UNC80: variants seen among roughly 807,000 people sequenced by gnomAD.
UNC80 encodes unc-80 subunit of NALCN channel complex.
A neutral mutation model predicts 384.6 loss-of-function variants in UNC80; 164 were observed. That is an observed-to-expected ratio of 0.43 (90% CI 0.38 to 0.49). UNC80 has a LOEUF of 0.49. UNC80 is among the 20% of genes least tolerant of loss of function. The probability of loss-of-function intolerance (pLI) is 0.00; values close to 1 mark genes in which losing one functional copy is unlikely to be tolerated. For synonymous variants in UNC80, 1,486 were observed against 1,527.8 expected (o/e 0.97, Z 0.64); for missense variants, 3,330 against 4,143.0 (o/e 0.80, Z 5.39).
intron 61 of UNC80, 105 bp downstream of exon 61, chr2:209,985,017 A>G: frequency 1.0e-6 from 1 of 995,558 alleles, no homozygotes; most frequent in Non-Finnish European, 1.5e-6. Flanking sequence ...GCCCCGTCTT[A>G]ATATCTATTT....
chr2:209,829,968 T>A (rs2080834214), intron 15 of UNC80, among the ~76,000 whole-genome samples: 1 of 152,230 alleles, frequency 6.6e-6, no homozygotes, highest in African/African-American at 2.4e-5. Context: ...TATGAAGGCC[T>A]AAGTTACAGG....
intron 22 of UNC80, among the ~76,000 whole-genome samples, chr2:209,861,726 A>G (rs549607446): frequency 6.6e-6 from 1 of 152,272 alleles, no homozygotes; most frequent in South Asian, 2.1e-4. Flanking sequence ...TTATCGTTCT[A>G]TACAGGGATT....
At chr2:209,958,395 G>C (rs2092481373) in intron 49 of UNC80, among the ~76,000 whole-genome samples, 1 of 152,180 alleles carries the variant, frequency 6.6e-6, no homozygotes. Flanking sequence ...GTATGGAATA[G>C]TTGGCCTGGA....
At chr2:209,950,860 AT>A (rs34495564) in intron 47 of UNC80, among the ~76,000 whole-genome samples, 19 of 148,194 alleles carry the variant, frequency 1.3e-4, no homozygotes, top group Non-Finnish European at 1.2e-4. Flanking sequence ...ACCCAGCTGG[AT>A]TTTTTTTTTT....
intron 7 of UNC80, among the ~76,000 whole-genome samples, chr2:209,804,022 C>T: frequency 6.6e-6 from 1 of 152,160 alleles, no homozygotes; most frequent in Non-Finnish European, 1.5e-5. Flanking sequence ...CAGGTGTGAG[C>T]TGCCATTCCC....
chr2:209,934,032 A>G, intron 39 of UNC80, 27 bp downstream of exon 39: 2 of 1,500,158 alleles, frequency 1.3e-6, no homozygotes, highest in Non-Finnish European at 1.8e-6. Context: ...TTTTAGTAAC[A>G]TAACTTTAAA....
chr2:209,880,424 A>G (rs1004947469), intron 24 of UNC80, among the ~76,000 whole-genome samples: 7 of 152,236 alleles, frequency 4.6e-5, no homozygotes, highest in Admixed American at 1.3e-4. Flanking sequence ...TGTTGCAGAA[A>G]CACATTTGGA....
chr2:209,839,269 G>A lies in UNC80; in HGVS notation c.3089G>A (p.Arg1030His), dbSNP rs994534779. The A allele has an allele frequency of 9.0e-6, 14 of 1,551,464 alleles. No individual in the cohort carries two copies. The highest frequency in any genetic ancestry group is 2.4e-5 in the South Asian group (2 of 84,060). The change falls in exon 19 of 65, where the codon CGT becomes CAT. Residue 1030 changes from arginine (R) to histidine (H), a missense_variant. Physicochemically the swap from Arg to His is conservative, Grantham distance 29. This residue lies in a region of UNC80 where 801 missense variants were observed against 950.8 expected (regional missense o/e 0.84). Coordinates refer to ENST00000673920, the MANE Select transcript of UNC80 (RefSeq NM_001371986.1). This position sits in a 1 kb window ranked among gnomAD's most constrained non-coding sequence, Gnocchi z 4.1. Reference protein sequence around the residue: ...GANLGRKDFWRKMFKSQSAAS... With the variant: ...GANLGRKDFWHKMFKSQSAAS... ...AACTTGGGGCGGAAAGATTTCTGGC[G>A]TAAGATGTTCAAGTCCCAGAGTGCA...
chr2:209,815,320 T>C lies in UNC80; in HGVS notation c.1264T>C (p.Ser422Pro), dbSNP rs2079652922. ...SLSSEAFSKV[S>P]LTNLRRSAVP... ...TAGCTCTGAGGCCTTTTCCAAGGTT[T>C]CACTGACCAATCTGCGTAGATCTGC... The change falls in exon 9 of 65, where the codon TCA becomes CCA. Residue 422 changes from serine (S) to proline (P), a missense_variant. Transcript: ENST00000673920. The C allele has an allele frequency of 6.4e-7, 1 of 1,551,630 alleles. No individual in the cohort carries two copies. Among genetic ancestry groups the C allele is most frequent in the African/African-American group, 1.4e-5 (1 of 73,056 alleles).
rs777396216 is a variant in UNC80 at position 209,789,534 on chromosome 2, A to C, written c.727A>C (p.Lys243Gln). The stretch of plus-strand genomic sequence containing the variant: ...TGGAACTTCTTCCGTCTTTTCAGCT[A>C]AGAGAAGTTCTCCTATCAACAGTCA... ...VKPIRNIITA[K>Q]RSSPINSQSR... Residue 243 changes from lysine (K) to glutamine (Q), a missense_variant and splice_region_variant, in exon 6 of 65, where the codon AAG becomes CAG. Lys to Gln is a moderately conservative substitution (Grantham distance 53). Around this residue, in one of 8 missense-constraint regions of UNC80, gnomAD observed 937 missense variants for 1,026.8 expected, o/e 0.91. Transcript: ENST00000673920. 6.2e-7 allele frequency: 1 copy of C among 1,611,264 alleles called. No homozygotes were observed. Among genetic ancestry groups the C allele is most frequent in the Non-Finnish European group, 8.5e-7 (1 of 1,178,026 alleles).
rs1381128260 is a variant in UNC80 at position 209,926,932 on chromosome 2, C to T, written c.5752C>T (p.Leu1918Phe). 6 of 1,552,086 alleles carry T rather than the reference C, an allele frequency of 3.9e-6. No individual in the cohort carries two copies. The African/African-American group carries it at 8.2e-5, about 21-fold the overall frequency. ...VFPACICAAVLPIVHLMEDGE... is the reference protein window; with the variant it reads ...VFPACICAAVFPIVHLMEDGE... Reference sequence around the variant, plus strand: ...CCCAGCATGCATCTGTGCAGCAGTACTTCCCATTGTTCATCTGATGGAGGA... The same window carrying T: ...CCCAGCATGCATCTGTGCAGCAGTATTTCCCATTGTTCATCTGATGGAGGA... Residue 1918 changes from leucine to phenylalanine, a missense_variant, in exon 36 of 65, where the codon CTT becomes TTT. Leu to Phe is a conservative substitution (Grantham distance 22, BLOSUM62 0). This residue lies in a region of UNC80 where 1,049 missense variants were observed against 1,488.6 expected (regional missense o/e 0.70). Coordinates refer to ENST00000673920, the MANE Select transcript of UNC80 (RefSeq NM_001371986.1).
At chr2:209,987,630 T>C (rs1294347539) in intron 61 of UNC80, among the ~76,000 whole-genome samples, 1 of 152,220 alleles carries the variant, frequency 6.6e-6, no homozygotes, top group African/African-American at 2.4e-5. Flanking sequence ...TGGTTGGACA[T>C]GTTAGAACAT....
chr2:209,843,645 T>C (rs1165551709), intron 21 of UNC80, among the ~76,000 whole-genome samples: 1 of 152,206 alleles, frequency 6.6e-6, no homozygotes, highest in Admixed American at 6.5e-5. Context: ...TCTTTTCTTC[T>C]TTGTACTATA....
At chr2:209,837,973 G>C (rs554665370) in intron 18 of UNC80, among the ~76,000 whole-genome samples, 7 of 151,986 alleles carry the variant, frequency 4.6e-5, no homozygotes, top group Non-Finnish European at 7.4e-5. Context: ...GGGTTTCGCC[G>C]TGTTAGCCAG....
intron 29 of UNC80, among the ~76,000 whole-genome samples, chr2:209,911,691 CT>C (rs1248045032): frequency 6.6e-6 from 1 of 152,116 alleles, no homozygotes; most frequent in African/African-American, 2.4e-5. Context: ...TGACATGGCA[CT>C]GGAAAAACAA....
intron 14 of UNC80, among the ~76,000 whole-genome samples, chr2:209,827,703 A>C (rs1236732147): frequency 6.6e-6 from 1 of 152,194 alleles, no homozygotes; most frequent in African/African-American, 2.4e-5. Flanking sequence ...CCAGAAGCTA[A>C]ACATTTTCAG....
At position 209,929,897 on chromosome 2, in the gene UNC80, T is replaced by C; in HGVS notation, c.5833T>C (p.Trp1945Arg). Residue 1945 changes from tryptophan to arginine, a missense_variant, in exon 37 of 65, where the codon TGG (tryptophan) becomes CGG (arginine). Physicochemically the swap from Trp to Arg is moderately radical, Grantham distance 101. This residue lies in a region of UNC80 where 1,049 missense variants were observed against 1,488.6 expected (regional missense o/e 0.70). Coordinates refer to ENST00000673920, the MANE Select transcript of UNC80 (RefSeq NM_001371986.1). ...AVSAVAQQVL[W>R]NCLIEDPSTV... ...GAGTGCTGTGGCTCAACAAGTCTTA[T>C]GGAACTGTCTAATTGAAGATCCATC... 1 of 1,533,106 alleles carries C rather than the reference T, an allele frequency of 6.5e-7. No homozygotes were observed. Among genetic ancestry groups the C allele is most frequent in the East Asian group, 2.5e-5 (1 of 39,942 alleles). The allele number at this position is 1,533,106 out of a possible 1,614,324, so 95.0% of individuals were successfully genotyped here. A position where few individuals can be genotyped will look rare whatever the true frequency, so the allele number is the denominator to read the frequency against.
chr2:209,976,343 A>C lies in UNC80; in HGVS notation c.8772+40A>C. Reference sequence around the variant, plus strand: ...TCTCCTCCTGAAAGTGGCAAGCTCAAATGAATGTGTGGCTCTCTACTGAGG... The same window carrying C: ...TCTCCTCCTGAAAGTGGCAAGCTCACATGAATGTGTGGCTCTCTACTGAGG... On this transcript the variant is annotated intron_variant, in intron 57 of 64. Coordinates refer to ENST00000673920, the MANE Select transcript of UNC80 (RefSeq NM_001371986.1). This position sits in a 1 kb window ranked among gnomAD's most constrained non-coding sequence, Gnocchi z 4.3. 1 of 1,551,366 alleles carries C rather than the reference A, an allele frequency of 6.4e-7. No individual in the cohort carries two copies. Among genetic ancestry groups the C allele is most frequent in the South Asian group, 1.2e-5 (1 of 83,998 alleles).
intron 18 of UNC80, among the ~76,000 whole-genome samples, chr2:209,837,494 A>G (rs1408937812): frequency 1.3e-5 from 2 of 152,194 alleles, no homozygotes; most frequent in Non-Finnish European, 2.9e-5. Flanking sequence ...AACCACACTC[A>G]GACATGTGGC....
Sources: allele counts gnomAD v4.1 joint callset (sites outside exome capture counted in the v4.1 genomes callset), GRCh38; gene constraint gnomAD v4.1.1; regional missense constraint gnomAD v4.1.1; non-coding constraint Gnocchi (gnomAD v3.1); transcripts MANE v1.5; gene names NCBI Gene and HGNC (gene_info 2026-07-23, HGNC 2026-07-21).